Variants in PLAC1 observed in about 807,000 individuals in gnomAD.
PLAC1 encodes placenta-specific protein 1.
For synonymous variants in PLAC1, 68 were observed against 62.1 expected, an observed-to-expected ratio of 1.09 and a Z score of -0.44; for missense variants, 136 against 163.2, an observed-to-expected ratio of 0.83 and a Z score of 0.91.
chrX:134,654,980 C>T (rs889187014), intron 1 of PLAC1, among the ~76,000 whole-genome samples: 2 of 111,671 alleles, frequency 1.8e-5, no homozygotes, highest in African/African-American at 6.5e-5. Context: ...TTGTAGCTAA[C>T]AAAAAGATGC....
intron 2 of PLAC1, among the ~76,000 whole-genome samples, chrX:134,590,031 T>TAAAA (rs67463468): frequency 9.4e-6 from 1 of 105,826 alleles, no homozygotes. Context: ...CCATCTGTAC[T>TAAAA]AAAAATACAA....
At chrX:134,569,739 A>AGTGTGTGTGTGTGTGTGTGT (rs749953575) in intron 2 of PLAC1, among the ~76,000 whole-genome samples, 4 of 72,163 alleles carry the variant, frequency 5.5e-5, no homozygotes, top group Non-Finnish European at 5.4e-5. Context: ...AGGGTAGAGT[A>AGTGTGTGTGTGTGTGTGTGT]GTGTGTGTGT....
chrX:134,643,474 A>G (rs1217174676), intron 1 of PLAC1, among the ~76,000 whole-genome samples: 1 of 112,069 alleles, frequency 8.9e-6, no homozygotes, highest in African/African-American at 3.2e-5. Flanking sequence ...CTAACTCTAT[A>G]CAAAACCCCT....
intron 1 of PLAC1, among the ~76,000 whole-genome samples, chrX:134,759,886 G>A (rs2078765735): frequency 1.8e-5 from 2 of 111,617 alleles, no homozygotes; most frequent in South Asian, 7.4e-4. Flanking sequence ...TAGATAGAGA[G>A]TGGACAGACA....
intron 1 of PLAC1, among the ~76,000 whole-genome samples, chrX:134,761,282 G>A (rs189443487): frequency 0.011 from 1,243 of 111,860 alleles, 11 homozygotes; most frequent in Middle Eastern, 0.023. Context: ...GGGGAAAGGA[G>A]CTATGACAGC....
At chrX:134,683,670 A>G (rs2078506278) in intron 2 of PLAC1, among the ~76,000 whole-genome samples, 1 of 111,880 alleles carries the variant, frequency 8.9e-6, no homozygotes, top group Admixed American at 9.5e-5. Context: ...CTGAGCCCAA[A>G]CATGGAGTGT....
intron 1 of PLAC1, among the ~76,000 whole-genome samples, chrX:134,633,118 A>G (rs2078269540): frequency 2.7e-5 from 3 of 111,383 alleles, no homozygotes; most frequent in Admixed American, 9.5e-5. Context: ...TCCTGTTGGT[A>G]GGCATCATTT....
chrX:134,655,364 C>T (rs5933441), intron 1 of PLAC1, among the ~76,000 whole-genome samples: 50,214 of 101,064 alleles, frequency 0.5, 11,748 homozygotes, highest in Non-Finnish European at 0.66. Flanking sequence ...CACACACACA[C>T]ATATATTTGA....
chrX:134,721,761 G>T (rs1290059595), intron 2 of PLAC1, among the ~76,000 whole-genome samples: 1 of 110,611 alleles, frequency 9.0e-6, no homozygotes, highest in Non-Finnish European at 1.9e-5. Context: ...TACTCGGGAG[G>T]CTGAGGCAGG....
At chrX:134,665,488 A>G (rs1472230428) in intron 2 of PLAC1, among the ~76,000 whole-genome samples, 1 of 111,975 alleles carries the variant, frequency 8.9e-6, no homozygotes, top group African/African-American at 3.3e-5. Context: ...TATAATGGGT[A>G]CTTCTATTTC....
At chrX:134,704,862 G>A (rs1383513024) in intron 2 of PLAC1, among the ~76,000 whole-genome samples, 14 of 101,865 alleles carry the variant, frequency 1.4e-4, no homozygotes, top group African/African-American at 3.6e-4. Context: ...ACGTGGTGGC[G>A]TGTGTCTGTA....
intron 2 of PLAC1, among the ~76,000 whole-genome samples, chrX:134,725,595 C>G (rs184918622): frequency 6.1e-4 from 68 of 112,264 alleles, no homozygotes; most frequent in Admixed American, 4.8e-3. Context: ...TATATAGATT[C>G]TGCACTCTTA....
intron 1 of PLAC1, among the ~76,000 whole-genome samples, chrX:134,737,873 C>A (rs748411263): frequency 2.7e-5 from 3 of 112,418 alleles, no homozygotes; most frequent in South Asian, 7.3e-4. Context: ...AAGGCAAATG[C>A]TTATGGTGTT....
intron 1 of PLAC1, among the ~76,000 whole-genome samples, chrX:134,657,808 G>A (rs1200113275): frequency 3.6e-5 from 4 of 110,543 alleles, no homozygotes; most frequent in East Asian, 5.6e-4. Flanking sequence ...TGATCATCTG[G>A]GTTAATAGGA....
intron 2 of PLAC1, among the ~76,000 whole-genome samples, chrX:134,668,276 G>A (rs2078443886): frequency 8.9e-6 from 1 of 112,511 alleles, no homozygotes; most frequent in Admixed American, 9.4e-5. Flanking sequence ...TCCAGAATAG[G>A]CAAATCCATA....
intron 2 of PLAC1, among the ~76,000 whole-genome samples, chrX:134,597,263 C>A (rs986521545): frequency 9.0e-6 from 1 of 111,689 alleles, no homozygotes; most frequent in Non-Finnish European, 1.9e-5. Flanking sequence ...CCCCTCCATT[C>A]TGTTGTTCAC....
intron 1 of PLAC1, among the ~76,000 whole-genome samples, chrX:134,733,843 T>C (rs1013823271): frequency 9.0e-6 from 1 of 110,809 alleles, no homozygotes; most frequent in Non-Finnish European, 1.9e-5. Flanking sequence ...ACTTGTCAGA[T>C]ACTGCAGGCT....
chrX:134,737,775 G>A (rs1415454282), intron 1 of PLAC1, among the ~76,000 whole-genome samples: 1 of 112,789 alleles, frequency 8.9e-6, no homozygotes, highest in Non-Finnish European at 1.9e-5. Context: ...GGGAAGTCAG[G>A]TGGGGGCGCC....
intron 1 of PLAC1, among the ~76,000 whole-genome samples, chrX:134,646,332 T>C (rs1160748715): frequency 8.9e-6 from 1 of 112,405 alleles, no homozygotes; most frequent in African/African-American, 3.2e-5. Context: ...TGGGAGTTTG[T>C]CCTTGACTTC....
Sources: gnomAD v4.1 joint callset for allele counts (sites outside exome capture counted in the v4.1 genomes callset) on GRCh38, gnomAD v4.1.1 for gene constraint, MANE v1.5 for transcripts, NCBI Gene and HGNC (gene_info 2026-07-23, HGNC 2026-07-21) for gene names.